The following CDKAL1 variants were observed in gnomAD, a reference collection of about 807,000 sequenced individuals.
CDKAL1 encodes the protein CDKAL1 threonylcarbamoyladenosine tRNA methylthiotransferase, also known as threonylcarbamoyladenosine tRNA methylthiotransferase.
In CDKAL1, 32 loss-of-function variants were observed where a neutral mutation model predicts 68.2. The ratio of observed to expected loss-of-function variants is 0.47; its 90% CI spans 0.35 to 0.63. The LOEUF is 0.63. CDKAL1 is among the 30% of genes least tolerant of loss of function. The pLI, the probability that CDKAL1 is intolerant of heterozygous loss-of-function variation, is 0.00. For synonymous variants in CDKAL1, 234 were observed against 244.3 expected (o/e 0.96, Z 0.39); for missense variants, 606 against 696.7 (o/e 0.87, Z 1.47).
intron 13 of CDKAL1, among the ~76,000 whole-genome samples, chr6:21,171,612 A>G (rs74828057): frequency 0.14 from 21,453 of 152,196 alleles, 1,812 homozygotes; most frequent in Non-Finnish European, 0.19. Flanking sequence ...TTGAATGGAT[A>G]CATCACTTTA....
In CDKAL1 at chr6:20,769,870, A is replaced by G. The variant is rs187548542; in HGVS notation, c.517+11227A>G. 1.8e-3 allele frequency among the ~76,000 whole-genome samples: 267 copies of G among 152,266 alleles called. 1 individual carries two copies. Among genetic ancestry groups the G allele is most frequent in the African/African-American group, 5.9e-3 (247 of 41,548 alleles). On this transcript the variant is annotated intron_variant, in intron 7 of 15. Coordinates refer to ENST00000274695, the MANE Select transcript of CDKAL1 (RefSeq NM_017774.3). ...CCAAGCAGCAGTGTACTATAATTTGAAACCTAGTCCCCTTGTTCCACATAC... is the reference window on the plus strand; with the variant it reads ...CCAAGCAGCAGTGTACTATAATTTGGAACCTAGTCCCCTTGTTCCACATAC...
At chr6:20,623,006 T>A (rs1309178495) in intron 4 of CDKAL1, among the ~76,000 whole-genome samples, 1 of 152,150 alleles carries the variant, frequency 6.6e-6, no homozygotes, top group Non-Finnish European at 1.5e-5. Flanking sequence ...TTTTTATGTC[T>A]AAGCATATTT....
At chr6:21,011,170 G>T (rs1182956982) in intron 11 of CDKAL1, among the ~76,000 whole-genome samples, 1 of 149,938 alleles carries the variant, frequency 6.7e-6, no homozygotes, top group Non-Finnish European at 1.5e-5. Flanking sequence ...CAAGGTCAGG[G>T]GATTGAGAGC....
At chr6:20,783,834 A>T (rs1775538188) in intron 8 of CDKAL1, among the ~76,000 whole-genome samples, 1 of 152,212 alleles carries the variant, frequency 6.6e-6, no homozygotes, top group African/African-American at 2.4e-5. Context: ...CAAAGTGAGT[A>T]CAATTGTCCC....
chr6:20,760,666 A>T (rs1220264190), intron 7 of CDKAL1, among the ~76,000 whole-genome samples: 1 of 152,204 alleles, frequency 6.6e-6, no homozygotes, highest in Admixed American at 6.5e-5. Context: ...CACAGTTGAG[A>T]TTCACTACCT....
intron 9 of CDKAL1, among the ~76,000 whole-genome samples, chr6:20,944,316 C>G (rs1159897559): frequency 6.6e-6 from 1 of 152,208 alleles, no homozygotes; most frequent in Non-Finnish European, 1.5e-5. Flanking sequence ...ATTTCTATAA[C>G]AGTTAATCCT....
At chr6:21,015,794 G>A (rs191206385) in intron 11 of CDKAL1, among the ~76,000 whole-genome samples, 1 of 151,752 alleles carries the variant, frequency 6.6e-6, no homozygotes, top group Non-Finnish European at 1.5e-5. Flanking sequence ...AGGCGTGATG[G>A]TGCGCACCTG....
intron 11 of CDKAL1, among the ~76,000 whole-genome samples, chr6:21,046,433 G>T (rs2150904176): frequency 6.6e-6 from 1 of 152,298 alleles, no homozygotes; most frequent in East Asian, 1.9e-4. Flanking sequence ...GGCTCCCTTG[G>T]AGCCGCTGTT....
At chr6:20,753,027 C>T (rs1773997323) in intron 6 of CDKAL1, among the ~76,000 whole-genome samples, 1 of 152,112 alleles carries the variant, frequency 6.6e-6, no homozygotes, top group African/African-American at 2.4e-5. Context: ...ATATAATTCA[C>T]ACACTATGCA....
At chr6:21,163,990 ATTTTAG>A (rs1777035015) in intron 13 of CDKAL1, among the ~76,000 whole-genome samples, 1 of 151,912 alleles carries the variant, frequency 6.6e-6, no homozygotes, top group African/African-American at 2.4e-5. Context: ...TAATGTGTCT[ATTTTAG>A]TTATTAATTA....
At chr6:21,151,150 A>G (rs1776394369) in intron 13 of CDKAL1, among the ~76,000 whole-genome samples, 1 of 152,166 alleles carries the variant, frequency 6.6e-6, no homozygotes, top group African/African-American at 2.4e-5. Context: ...GGGACATGCT[A>G]TTTTTAGTTT....
chr6:21,190,894 A>G (rs1445988405), intron 13 of CDKAL1, among the ~76,000 whole-genome samples: 1 of 152,218 alleles, frequency 6.6e-6, no homozygotes, highest in East Asian at 1.9e-4. Flanking sequence ...CAGAATAGAA[A>G]TTGATTGACA....
intron 13 of CDKAL1, among the ~76,000 whole-genome samples, chr6:21,125,886 C>T (rs931200204): frequency 3.3e-5 from 5 of 152,268 alleles, no homozygotes; most frequent in South Asian, 4.1e-4. Context: ...TGTGCTTCCC[C>T]GACCTCATTG....
intron 13 of CDKAL1, among the ~76,000 whole-genome samples, chr6:21,133,978 A>G (rs2151024200): frequency 6.6e-6 from 1 of 152,338 alleles, no homozygotes; most frequent in African/African-American, 2.4e-5. Flanking sequence ...CTTGAAATAC[A>G]GGTTAAATGC....
intron 9 of CDKAL1, among the ~76,000 whole-genome samples, chr6:20,913,146 C>CAG (rs1762547963): frequency 6.6e-6 from 1 of 150,606 alleles, no homozygotes; most frequent in Non-Finnish European, 1.5e-5. Flanking sequence ...CACACACACA[C>CAG]ACACACACAC....
chr6:20,925,029 CTT>C (rs1255938567), intron 9 of CDKAL1, among the ~76,000 whole-genome samples: 1 of 152,184 alleles, frequency 6.6e-6, no homozygotes, highest in Non-Finnish European at 1.5e-5. Context: ...TACAGAGAAT[CTT>C]TTGTGGAAGG....
intron 13 of CDKAL1, among the ~76,000 whole-genome samples, chr6:21,116,153 A>G (rs990276379): frequency 6.6e-6 from 1 of 152,210 alleles, no homozygotes; most frequent in African/African-American, 2.4e-5. Context: ...TATTCTAAAA[A>G]TTAAGCATGA....
intron 13 of CDKAL1, among the ~76,000 whole-genome samples, chr6:21,118,374 G>C (rs1287751454): frequency 6.6e-6 from 1 of 152,112 alleles, no homozygotes. Context: ...TTGCAGACTG[G>C]GCTCCCCAGG....
chr6:21,210,644 A>G (rs1040440745), intron 15 of CDKAL1, among the ~76,000 whole-genome samples: 4 of 152,242 alleles, frequency 2.6e-5, no homozygotes, highest in Non-Finnish European at 4.4e-5. Context: ...AACAAAATCT[A>G]TAATATGTCA....
Sources: gnomAD v4.1 joint callset for allele counts (sites outside exome capture counted in the v4.1 genomes callset) on GRCh38, gnomAD v4.1.1 for gene constraint, MANE v1.5 for transcripts, NCBI Gene and HGNC (gene_info 2026-07-23, HGNC 2026-07-21) for gene names.